Variants in SNX29 observed in about 807,000 individuals in gnomAD.
SNX29 encodes the protein sorting nexin 29, also known as sorting nexin-29.
SNX29 carries 78 observed loss-of-function variants against 102.1 expected under a neutral mutation model. The observed-to-expected ratio is 0.76, with a 90% CI of 0.64 to 0.92. The LOEUF is 0.92. Among genes scored for constraint, SNX29 ranks in the 40% least tolerant of loss-of-function variants. The pLI, the probability that SNX29 is intolerant of heterozygous loss-of-function variation, is 0.00. For missense variants in SNX29, 1,280 were observed against 1,061.7 expected, an observed-to-expected ratio of 1.21 and a Z score of -2.86; for synonymous variants, 580 against 414.5, an observed-to-expected ratio of 1.40 and a Z score of -4.85.
rs542205690 is a variant in SNX29, at chr16:12,573,030, G to A, written c.*4401G>A. 15 of 259,950 alleles carry A rather than the reference G, an allele frequency of 5.8e-5. No homozygotes were observed. The highest frequency in any genetic ancestry group is 2.5e-3 in the Middle Eastern group (2 of 816). 16.1% of individuals were successfully genotyped at this position (259,950 alleles called of 1,614,324 possible). ...AAATATTTGCTGTTTTTAGATTGGC[G>A]TCCGTGCTAATTCTGCAGTTGTAGC... On this transcript the variant is annotated 3_prime_UTR_variant, in exon 21 of 21. Transcript: ENST00000566228.
At chr16:12,084,615 C>T (rs1198326505) in intron 11 of SNX29, among the ~76,000 whole-genome samples, 1 of 152,136 alleles carries the variant, frequency 6.6e-6, no homozygotes, top group Non-Finnish European at 1.5e-5. Flanking sequence ...AGGGCACACT[C>T]GGAAGCTCAG....
At chr16:12,434,122 A>C (rs572644301) in intron 18 of SNX29, among the ~76,000 whole-genome samples, 37 of 152,278 alleles carry the variant, frequency 2.4e-4, no homozygotes, top group African/African-American at 8.4e-4. Flanking sequence ...GCTGGGGTGG[A>C]GAGTTTGGAC....
At chr16:11,999,555 C>G (rs1407186869) in intron 2 of SNX29, among the ~76,000 whole-genome samples, 197 bp downstream of exon 2, 1 of 152,194 alleles carries the variant, frequency 6.6e-6, no homozygotes, top group Non-Finnish European at 1.5e-5. Flanking sequence ...AGTCCTGTGT[C>G]TTGAATTCCC....
intron 15 of SNX29, among the ~76,000 whole-genome samples, chr16:12,287,758 T>C (rs1456244205): frequency 2.0e-5 from 3 of 152,228 alleles, no homozygotes; most frequent in Non-Finnish European, 4.4e-5. Context: ...CACCTCGTGA[T>C]TGGTGATGGA....
intron 18 of SNX29, among the ~76,000 whole-genome samples, chr16:12,457,090 C>T (rs1193759630): frequency 6.6e-6 from 1 of 152,204 alleles, no homozygotes; most frequent in Admixed American, 6.5e-5. Flanking sequence ...CTTCTCCTTA[C>T]TAAGTAGCAA....
intron 15 of SNX29, among the ~76,000 whole-genome samples, chr16:12,305,892 C>T (rs1011217989): frequency 6.6e-6 from 1 of 152,188 alleles, no homozygotes; most frequent in Non-Finnish European, 1.5e-5. Flanking sequence ...ATTTAAAAGG[C>T]TCTGTAATAT....
At chr16:12,472,273 C>A (rs1011210745) in intron 18 of SNX29, among the ~76,000 whole-genome samples, 1 of 152,140 alleles carries the variant, frequency 6.6e-6, no homozygotes, top group Non-Finnish European at 1.5e-5. Flanking sequence ...GTAATCCCAG[C>A]ACTTTGGGAG....
chr16:12,013,500 A>AAAAAATATATATATATATAT, intron 3 of SNX29, among the ~76,000 whole-genome samples: 5 of 31,626 alleles, frequency 1.6e-4, no homozygotes, highest in Non-Finnish European at 2.5e-4. Flanking sequence ...AAAAAAAAAA[A>AAAAAATATATATATATATAT]ATATATATAT....
At chr16:12,546,872 G>A (rs149485019) in intron 20 of SNX29, among the ~76,000 whole-genome samples, 108 of 152,322 alleles carry the variant, frequency 7.1e-4, no homozygotes, top group African/African-American at 2.3e-3. Flanking sequence ...GATCAGGCTG[G>A]TTTGGTTTTT....
chr16:12,473,194 T>C (rs1195789499), intron 18 of SNX29, among the ~76,000 whole-genome samples: 1 of 152,254 alleles, frequency 6.6e-6, no homozygotes, highest in Non-Finnish European at 1.5e-5. Flanking sequence ...GTTAAGTATA[T>C]GTAATTCAAG....
chr16:12,334,207 T>A (rs2081376747), intron 15 of SNX29, among the ~76,000 whole-genome samples: 4 of 152,176 alleles, frequency 2.6e-5, no homozygotes. Context: ...CTAAGCAGTC[T>A]GGAGATCTTT....
At chr16:12,023,075 T>G (rs2057078341) in intron 3 of SNX29, among the ~76,000 whole-genome samples, 1 of 151,888 alleles carries the variant, frequency 6.6e-6, no homozygotes. Flanking sequence ...TTTTCTGTTT[T>G]TAGTAGAGTT....
chr16:12,147,092 C>T (rs1335581300), intron 13 of SNX29, among the ~76,000 whole-genome samples: 2 of 152,224 alleles, frequency 1.3e-5, no homozygotes, highest in African/African-American at 2.4e-5. Flanking sequence ...TTTTAGGGAG[C>T]AAGCAGCAAG....
Position 12,571,479 on chromosome 16 carries a change from CAG to C in SNX29, c.*2855_*2856del, listed in dbSNP as rs374634837. 563 of 283,132 alleles carry C rather than the reference CAG, an allele frequency of 2.0e-3. No homozygotes were observed. The highest frequency in any genetic ancestry group is 5.6e-3 in the Middle Eastern group (5 of 888). The allele number at this position is 283,132 out of a possible 1,614,324, so 17.5% of individuals were successfully genotyped here. On this transcript the variant is annotated 3_prime_UTR_variant, in exon 21 of 21. Transcript: ENST00000566228. ...GAGAACAGAAGCCCCCTCCCCTACT[CAG>C]AGAGGAACGAGGGTGGCCCACCTCT...
At chr16:12,086,504 G>A (rs1427832131) in intron 11 of SNX29, among the ~76,000 whole-genome samples, 1 of 151,966 alleles carries the variant, frequency 6.6e-6, no homozygotes, top group African/African-American at 2.4e-5. Flanking sequence ...TTGAACTCCT[G>A]GGCTTAAGCG....
chr16:12,068,545 CT>C (rs1159403572), intron 9 of SNX29, among the ~76,000 whole-genome samples: 1 of 147,808 alleles, frequency 6.8e-6, no homozygotes, highest in South Asian at 2.2e-4. Flanking sequence ...AAGTATAGGG[CT>C]TTTAAAAAAA....
At chr16:12,073,944 A>G (rs900220054) in intron 10 of SNX29, among the ~76,000 whole-genome samples, 1 of 151,538 alleles carries the variant, frequency 6.6e-6, no homozygotes, top group Admixed American at 6.6e-5. Flanking sequence ...GTCTCTTTTG[A>G]TCTTTGTTGG....
intron 13 of SNX29, among the ~76,000 whole-genome samples, chr16:12,192,442 GT>G (rs2141910680): frequency 6.6e-6 from 1 of 152,284 alleles, no homozygotes; most frequent in African/African-American, 2.4e-5. Flanking sequence ...GGCTTCTTCT[GT>G]TTCCACCCCT....
chr16:12,505,047 A>G (rs1244570548), intron 19 of SNX29, among the ~76,000 whole-genome samples: 1 of 152,216 alleles, frequency 6.6e-6, no homozygotes, highest in African/African-American at 2.4e-5. Context: ...AGACGGGACG[A>G]TCACTTGAGC....
Sources: gnomAD v4.1 joint callset for allele counts (sites outside exome capture counted in the v4.1 genomes callset) on GRCh38, gnomAD v4.1.1 for gene constraint, MANE v1.5 for transcripts, NCBI Gene and HGNC (gene_info 2026-07-23, HGNC 2026-07-21) for gene names.